The following PIGU variants were observed in gnomAD, a reference collection of about 807,000 sequenced individuals.
PIGU encodes GPI-anchor transamidase component PIGU.
PIGU carries 24 observed loss-of-function variants against 49.9 expected under a neutral mutation model. That is an observed-to-expected ratio of 0.48 (90% CI 0.35 to 0.68). The LOEUF (loss-of-function observed/expected upper bound fraction) is 0.68, where lower values mean the gene tolerates loss of function less well. PIGU is among the 30% of genes least tolerant of loss of function. PIGU has a pLI of 0.01. For missense variants in PIGU, 490 were observed against 532.6 expected, an observed-to-expected ratio of 0.92 and a Z score of 0.79; for synonymous variants, 220 against 205.7, an observed-to-expected ratio of 1.07 and a Z score of -0.59.
intron 7 of PIGU, among the ~76,000 whole-genome samples, chr20:34,606,570 C>A (rs1484457423): frequency 6.6e-6 from 1 of 152,128 alleles, no homozygotes; most frequent in Non-Finnish European, 1.5e-5. Flanking sequence ...TTCCCTAAAA[C>A]CAAAACTCAG....
intron 6 of PIGU, among the ~76,000 whole-genome samples, chr20:34,626,427 C>T (rs759219989): frequency 3.3e-5 from 5 of 151,802 alleles, no homozygotes; most frequent in African/African-American, 4.8e-5. Flanking sequence ...CTCAGCCTCC[C>T]GAGTAGTTGG....
intron 5 of PIGU, 66 bp from the exon 6 acceptor site, chr20:34,634,781 G>A: frequency 1.3e-6 from 2 of 1,570,646 alleles, no homozygotes; most frequent in Non-Finnish European, 1.7e-6. Context: ...ATTACAGCAA[G>A]GAAGTTCCAA....
chr20:34,611,242 G>A (rs1984800431), intron 7 of PIGU, among the ~76,000 whole-genome samples: 1 of 152,128 alleles, frequency 6.6e-6, no homozygotes, highest in Non-Finnish European at 1.5e-5. Flanking sequence ...CACAGCAAAA[G>A]AAACTATCAT....
At chr20:34,618,194 G>T (rs141120362) in intron 6 of PIGU, among the ~76,000 whole-genome samples, 96 of 152,198 alleles carry the variant, frequency 6.3e-4, no homozygotes, top group African/African-American at 2.2e-3. Flanking sequence ...TTTCATTTTT[G>T]CTTCACTGCA....
intron 10 of PIGU, among the ~76,000 whole-genome samples, chr20:34,575,558 A>T (rs1600591277): frequency 6.6e-6 from 1 of 152,130 alleles, no homozygotes; most frequent in East Asian, 1.9e-4. Flanking sequence ...TTTCAGGAAG[A>T]TATTCCCCTC....
At chr20:34,659,181 C>A (rs1353401870) in intron 1 of PIGU, among the ~76,000 whole-genome samples, 3 of 138,598 alleles carry the variant, frequency 2.2e-5, no homozygotes, top group South Asian at 2.3e-4. Flanking sequence ...GCCCGGCCAG[C>A]CGCCCCGTCC....
At chr20:34,665,355 T>C (rs1037218950) in intron 1 of PIGU, among the ~76,000 whole-genome samples, 4 of 150,572 alleles carry the variant, frequency 2.7e-5, no homozygotes, top group South Asian at 4.2e-4. Context: ...AGGCGCCCGC[T>C]ACCACGCCCG....
At chr20:34,569,290 C>T (rs925858670) in intron 11 of PIGU, among the ~76,000 whole-genome samples, 14 of 152,108 alleles carry the variant, frequency 9.2e-5, no homozygotes, top group Admixed American at 4.6e-4. Flanking sequence ...AGTGTAGTGG[C>T]GTGATCTCGG....
intron 7 of PIGU, among the ~76,000 whole-genome samples, chr20:34,602,330 C>T (rs1043138061): frequency 1.3e-5 from 2 of 151,538 alleles, no homozygotes; most frequent in Non-Finnish European, 1.5e-5. Context: ...GGTGCGGTGG[C>T]TCACATCTGT....
chr20:34,664,223 T>A (rs1987015782), intron 1 of PIGU, among the ~76,000 whole-genome samples: 1 of 152,124 alleles, frequency 6.6e-6, no homozygotes, highest in East Asian at 1.9e-4. Flanking sequence ...TGATCATAGC[T>A]CATCGCAGCC....
At chr20:34,660,150 A>T (rs957776448) in intron 1 of PIGU, among the ~76,000 whole-genome samples, 8 of 152,044 alleles carry the variant, frequency 5.3e-5, no homozygotes, top group Non-Finnish European at 1.2e-4. Context: ...AATTCTAAGG[A>T]TCAAATGTAG....
chr20:34,569,421 G>A (rs932811752), intron 11 of PIGU, among the ~76,000 whole-genome samples: 1 of 152,044 alleles, frequency 6.6e-6, no homozygotes, highest in Non-Finnish European at 1.5e-5. Context: ...TGTAGAGATG[G>A]GGTTTTGCCA....
intron 7 of PIGU, among the ~76,000 whole-genome samples, chr20:34,596,551 G>A (rs956187574): frequency 1.3e-4 from 20 of 152,034 alleles, no homozygotes; most frequent in Admixed American, 8.5e-4. Flanking sequence ...CAACTTTTCC[G>A]TAGGTCTAAA....
intron 1 of PIGU, among the ~76,000 whole-genome samples, chr20:34,670,756 C>T (rs1183289626): frequency 6.6e-6 from 1 of 152,110 alleles, no homozygotes; most frequent in East Asian, 1.9e-4. Context: ...GTTATCCAGG[C>T]TGGTCTCAAA....
At chr20:34,588,902 C>T (rs150039852) in intron 7 of PIGU, among the ~76,000 whole-genome samples, 21 of 152,118 alleles carry the variant, frequency 1.4e-4, no homozygotes, top group African/African-American at 5.1e-4. Context: ...AGAAAAAATC[C>T]TTCAATAGAG....
intron 1 of PIGU, among the ~76,000 whole-genome samples, chr20:34,665,272 C>T (rs1377224465): frequency 1.5e-5 from 2 of 130,198 alleles, no homozygotes; most frequent in Non-Finnish European, 3.1e-5. Flanking sequence ...GGCGCGATCT[C>T]GGCTCACTGC....
intron 4 of PIGU, among the ~76,000 whole-genome samples, chr20:34,641,097 T>C (rs1312838449): frequency 6.6e-6 from 1 of 152,120 alleles, no homozygotes; most frequent in African/African-American, 2.4e-5. Context: ...TTTCACCACG[T>C]TGAAACTCCT....
intron 7 of PIGU, among the ~76,000 whole-genome samples, chr20:34,610,423 A>G (rs543764786): frequency 6.6e-6 from 1 of 152,332 alleles, no homozygotes; most frequent in South Asian, 2.1e-4. Context: ...AGACAAGCAA[A>G]GCGCCAAATC....
In PIGU at chr20:34,677,078, G is replaced by T; in HGVS notation, c.8C>A (p.Ala3Asp). 6.4e-7 allele frequency: 1 copy of T among 1,562,754 alleles called. No individual in the cohort carries two copies. Among genetic ancestry groups the T allele is most frequent in the East Asian group, 2.4e-5 (1 of 42,242 alleles). The change falls in exon 1 of 12, where the codon GCT (alanine) becomes GAT (aspartate). Residue 3 changes from alanine to aspartate, a missense_variant. Transcript: ENST00000217446. Reference protein sequence around the residue: MAAPLVLVLVVAV... With the variant: MADPLVLVLVVAV... ...CACCACCAGCACCAGGACCAAGGGA[G>T]CCGCCATGATAACTGGGGCGGGCGC...
Sources: gnomAD v4.1 joint callset for allele counts (sites outside exome capture counted in the v4.1 genomes callset) on GRCh38, gnomAD v4.1.1 for gene constraint, MANE v1.5 for transcripts, NCBI Gene and HGNC (gene_info 2026-07-23, HGNC 2026-07-21) for gene names.